Variants in LETM2 observed in about 807,000 individuals in gnomAD.
The protein encoded by LETM2 is LETM1 domain-containing protein LETM2, mitochondrial.
LETM2 carries 58 observed loss-of-function variants against 59.6 expected under a neutral mutation model. The observed-to-expected ratio is 0.97, with a 90% CI of 0.79 to 1.21. LETM2 has a LOEUF of 1.21. Among genes scored for constraint, LETM2 ranks in the 50% most tolerant of loss-of-function variants. The probability of loss-of-function intolerance (pLI) is 0.00; values close to 1 mark genes in which losing one functional copy is unlikely to be tolerated. For synonymous variants in LETM2, 199 were observed against 214.1 expected (o/e 0.93, Z 0.62); for missense variants, 572 against 575.7 (o/e 0.99, Z 0.07).
chr8:38,402,575 T>C lies in LETM2; in HGVS notation c.1035T>C (p.Ala345=), dbSNP rs747270125. The C allele has an allele frequency of 4.3e-6, 7 of 1,612,642 alleles. No homozygotes were observed. In the East Asian group the frequency reaches 1.6e-4, roughly 36 times the overall value. Residue 345 remains alanine (A), a synonymous_variant, in exon 7 of 11, where the codon GCT becomes GCC. Transcript: ENST00000379957. ...VTALSVSELQ[A]ACRARGMRSL... ...CATTGAGTGTATCAGAACTACAGGC[T>C]GCCTGTAGGGCCCGAGGGATGAGAT...
chr8:38,397,317 C>G (rs1202911003), intron 4 of LETM2, among the ~76,000 whole-genome samples: 2 of 152,182 alleles, frequency 1.3e-5, no homozygotes, highest in African/African-American at 4.8e-5. Context: ...GCTGAGATTA[C>G]AGGCGCCTGC....
chr8:38,405,355 C>G (rs1022661164), intron 8 of LETM2, among the ~76,000 whole-genome samples: 1 of 152,170 alleles, frequency 6.6e-6, no homozygotes, highest in Non-Finnish European at 1.5e-5. Flanking sequence ...TCCCGCTTCT[C>G]TAGCTGGTGG....
chr8:38,404,460 T>C lies in LETM2; in HGVS notation c.1172T>C (p.Leu391Pro), dbSNP rs768454587. The change falls in exon 8 of 11, where the codon CTG (leucine) becomes CCG (proline). Residue 391 changes from leucine (L) to proline (P), a missense_variant. By Grantham distance (98) the Leu-to-Pro change is moderately conservative (BLOSUM62 -3). Coordinates refer to ENST00000379957, the MANE Select transcript of LETM2 (RefSeq NM_001286819.2). ...TTGCTCCTGTCCCGCACCTTCTACC[T>C]GATAGATGTGAAGCCCAAGCCGATT... is the stretch of plus-strand genomic sequence containing the variant. ...SLLLLSRTFY[L>P]IDVKPKPIEI... 1.9e-6 allele frequency: 3 copies of C among 1,613,986 alleles called. No individual in the cohort carries two copies. In the Admixed American group the frequency reaches 5.0e-5, roughly 27 times the overall value.
chr8:38,385,709 T>A (rs56322953), upstream of LETM2, among the ~76,000 whole-genome samples: 30,440 of 152,006 alleles, frequency 0.2, 3,437 homozygotes, highest in East Asian at 0.31. Context: ...ATAAAAAAAA[T>A]TTTTAACTCT....
chr8:38,392,938 C>T lies in LETM2; in HGVS notation c.444C>T (p.Ala148=). The T allele has an allele frequency of 6.2e-7, 1 of 1,611,664 alleles. No individual in the cohort carries two copies. Among genetic ancestry groups the T allele is most frequent in the Non-Finnish European group, 8.5e-7 (1 of 1,180,024 alleles). Residue 148 remains alanine, a synonymous_variant, in exon 3 of 11, where the codon GCC becomes GCT. Coordinates refer to ENST00000379957, the MANE Select transcript of LETM2 (RefSeq NM_001286819.2). ...YLLWIDAKVA[A]RMVWRLLHGQ... ...TTTGGATTGACGCCAAAGTTGCTGC[C>T]AGAATGGTTTGGAGGCTGTTGCATG...
At chr8:38,403,360 T>C (rs115941810) in intron 7 of LETM2, among the ~76,000 whole-genome samples, 2 of 152,352 alleles carry the variant, frequency 1.3e-5, no homozygotes, top group African/African-American at 2.4e-5. Flanking sequence ...ACCTTAGAAT[T>C]TTGACCTACT....
At chr8:38,407,065 AATTAG>A (rs752596434) in intron 9 of LETM2, 27 bp downstream of exon 9, 20 of 1,426,240 alleles carry the variant, frequency 1.4e-5, no homozygotes, top group Non-Finnish European at 1.9e-5. Flanking sequence ...CCATTTGGTT[AATTAG>A]ATTAAAAAAT....
chr8:38,401,005 C>G lies in LETM2; in HGVS notation c.936C>G (p.Leu312=). ...ELQTFGTNNL[L]RFQLLMKLKS... ...AGACATTTGGAACCAACAACCTGCT[C>G]CGCTTTCAGCTCCTGATGAAACTGA... The change falls in exon 6 of 11, where the codon CTC becomes CTG. Residue 312 remains leucine, a synonymous_variant. Coordinates refer to ENST00000379957, the MANE Select transcript of LETM2 (RefSeq NM_001286819.2). 6.2e-7 allele frequency: 1 copy of G among 1,614,076 alleles called. No individual in the cohort carries two copies. Among genetic ancestry groups the G allele is most frequent in the Non-Finnish European group, 8.5e-7 (1 of 1,180,000 alleles).
intron 7 of LETM2, 57 bp from the exon 8 acceptor site, chr8:38,404,336 G>A (rs1234584083): frequency 8.1e-7 from 1 of 1,230,936 alleles, no homozygotes; most frequent in East Asian, 2.3e-5. Context: ...GATGACCGCG[G>A]ATCACTCTGG....
At chr8:38,405,485 T>C (rs2150454535) in intron 8 of LETM2, among the ~76,000 whole-genome samples, 1 of 152,338 alleles carries the variant, frequency 6.6e-6, no homozygotes, top group Non-Finnish European at 1.5e-5. Flanking sequence ...TTTTACATCT[T>C]AATTATGCTG....
At chr8:38,384,126 CT>C (rs375549975), upstream of LETM2, among the ~76,000 whole-genome samples, 243 of 146,024 alleles carry the variant, frequency 1.7e-3, 1 homozygote, top group Middle Eastern at 3.5e-3. Context: ...TTAAATTGGT[CT>C]TTTTTTTTTT....
Position 38,394,159 on chromosome 8 carries a change from C to A in LETM2, c.563C>A (p.Pro188His). 6.6e-7 allele frequency: 1 copy of A among 1,516,126 alleles called. No individual in the cohort carries two copies. The highest frequency in any genetic ancestry group is 2.1e-5 in the Admixed American group (1 of 47,204). The allele number at this position is 1,516,126 out of a possible 1,614,324, so 93.9% of individuals were successfully genotyped here. Residue 188 changes from proline (P) to histidine (H), a missense_variant, in exon 4 of 11, where the codon CCC (proline) becomes CAC (histidine). Physicochemically the swap from Pro to His is moderately conservative, Grantham distance 77. Coordinates refer to ENST00000379957, the MANE Select transcript of LETM2 (RefSeq NM_001286819.2). The part of the protein sequence containing the change: ...LVPFMVFLIV[P>H]FMEFLLPVFL... Reference sequence around the variant, plus strand: ...CCATTTATGGTGTTCTTAATTGTACCCTTCATGGAATTCTTATTACCAGTG... The same window carrying A: ...CCATTTATGGTGTTCTTAATTGTACACTTCATGGAATTCTTATTACCAGTG...
rs750916385 is a variant in LETM2, at chr8:38,402,659, C to G, written c.1104+15C>G. The stretch of plus-strand genomic sequence containing the variant: ...AGCTCACGGAGGCAAGTAGCAGCGC[C>G]CCTCTGGGGTCCTCTTCCCTAGAAC... On this transcript the variant is annotated intron_variant, in intron 7 of 10. Transcript: ENST00000379957. 5.6e-6 allele frequency: 9 copies of G among 1,613,626 alleles called. No homozygotes were observed. In the Admixed American group the frequency reaches 1.5e-4, roughly 27 times the overall value.
intron 1 of LETM2, 47 bp from the exon 2 acceptor site, chr8:38,387,903 G>A: frequency 1.3e-6 from 1 of 744,388 alleles, no homozygotes. Flanking sequence ...TCTTTTAATT[G>A]ATGTATTTTT....
rs1385953772 is a variant in LETM2, at chr8:38,407,835, GAA to G, written c.1413+374_1414-374del. ...TTTCCAGAGAAATGCATGTAAATAA[GAA>G]ACTACTTATCTATCATCCAGTTTTC... On this transcript the variant is annotated intron_variant, in intron 10 of 10. Transcript: ENST00000379957. Among the ~76,000 whole-genome samples the G allele has an allele frequency of 2.0e-5, 3 of 152,194 alleles. No individual in the cohort carries two copies. In the South Asian group the frequency reaches 6.2e-4, roughly 31 times the overall value.
intron 4 of LETM2, among the ~76,000 whole-genome samples, chr8:38,399,275 A>T (rs78084852): frequency 3.3e-5 from 5 of 152,118 alleles, no homozygotes; most frequent in Non-Finnish European, 7.4e-5. Flanking sequence ...GTGTCCATTT[A>T]CTTTTCTTCT....
At chr8:38,400,479 G>T in intron 5 of LETM2, 70 bp downstream of exon 5, 1 of 1,425,630 alleles carries the variant, frequency 7.0e-7, no homozygotes, top group East Asian at 2.4e-5. Context: ...ATGTCATCAT[G>T]GATTTCCCAA....
At chr8:38,385,115 G>A (rs1036124695), upstream of LETM2, among the ~76,000 whole-genome samples, 2 of 152,328 alleles carry the variant, frequency 1.3e-5, no homozygotes, top group African/African-American at 2.4e-5. Context: ...ACCTTTATGT[G>A]CAAAGTTGAA....
chr8:38,384,544 G>C (rs963767132), upstream of LETM2, among the ~76,000 whole-genome samples: 2 of 152,190 alleles, frequency 1.3e-5, no homozygotes, highest in African/African-American at 4.8e-5. Flanking sequence ...CTCAGGGCCA[G>C]AGTCATGGAG....
Sources: allele counts gnomAD v4.1 joint callset (sites outside exome capture counted in the v4.1 genomes callset), GRCh38; gene constraint gnomAD v4.1.1; transcripts MANE v1.5; gene names NCBI Gene and HGNC (gene_info 2026-07-23, HGNC 2026-07-21).